The following CPVL variants were observed in gnomAD, a reference collection of about 807,000 sequenced individuals.
CPVL encodes carboxypeptidase vitellogenic like.
Under a neutral mutation model 63.7 loss-of-function variants are expected in CPVL, and 51 were observed. That is an observed-to-expected ratio of 0.80 (90% CI 0.64 to 1.01). The LOEUF (loss-of-function observed/expected upper bound fraction) is 1.01, where lower values mean the gene tolerates loss of function less well. Ranked by LOEUF, CPVL falls within the 50% of genes least tolerant of loss-of-function variation. The pLI is 0.00. For missense variants in CPVL, 530 were observed against 573.1 expected (o/e 0.92, Z 0.77); for synonymous variants, 195 against 206.0 (o/e 0.95, Z 0.46).
At chr7:29,003,873 A>G (rs1457894157) in intron 12 of CPVL, among the ~76,000 whole-genome samples, 1 of 152,088 alleles carries the variant, frequency 6.6e-6, no homozygotes, top group African/African-American at 2.4e-5. Flanking sequence ...TTCCCCTCCT[A>G]TAAGAATCTA....
At chr7:29,170,482 A>G (rs58153700) in intron 5 of CPVL, among the ~76,000 whole-genome samples, 2,371 of 152,194 alleles carry the variant, frequency 0.016, 63 homozygotes, top group African/African-American at 0.055. Context: ...ATTTTCTCCA[A>G]TTGTTCATCT....
intron 1 of CPVL, chr7:29,122,403 G>A (rs1789476304): frequency 6.6e-6 from 1 of 152,224 alleles, no homozygotes; most frequent in African/African-American, 2.4e-5. Context: ...AGGCCAGGGT[G>A]ATCAGACATC....
At chr7:29,048,481 G>A (rs928037811) in intron 11 of CPVL, among the ~76,000 whole-genome samples, 6 of 151,658 alleles carry the variant, frequency 4.0e-5, no homozygotes, top group African/African-American at 1.4e-4. Flanking sequence ...TTATATAACA[G>A]TCAAAGGCCT....
rs1176099428 is a variant in CPVL at position 29,096,189 on chromosome 7, A to C, written c.317T>G (p.Leu106Arg). Residue 106 changes from leucine (L) to arginine (R), a missense_variant, in exon 4 of 13, where the codon CTC becomes CGC. Coordinates refer to ENST00000265394, the MANE Select transcript of CPVL (RefSeq NM_031311.5). ...ACCTCCCGGCCCACCCTGTAGCCAG[A>C]GAACTACTGGGGCATCTTCTGGCTG... ...QIQPEDAPVVLWLQGGPGGSS... is the reference protein window; with the variant it reads ...QIQPEDAPVVRWLQGGPGGSS... 6.2e-7 allele frequency: 1 copy of C among 1,614,192 alleles called. No homozygotes were observed. Among genetic ancestry groups the C allele is most frequent in the Non-Finnish European group, 8.5e-7 (1 of 1,179,990 alleles).
At chr7:29,117,891 AT>A (rs1346816657) in intron 2 of CPVL, among the ~76,000 whole-genome samples, 16 of 152,306 alleles carry the variant, frequency 1.1e-4, no homozygotes, top group African/African-American at 3.6e-4. Flanking sequence ...TAATGACTAA[AT>A]GTTAGCTACT....
intron 12 of CPVL, among the ~76,000 whole-genome samples, chr7:29,024,355 G>C (rs990430371): frequency 6.6e-6 from 1 of 152,164 alleles, no homozygotes; most frequent in African/African-American, 2.4e-5. Context: ...ACACCATAAA[G>C]CAGGCAACCA....
chr7:29,128,069 T>C (rs559153519), intron 1 of CPVL: 1 of 152,016 alleles, frequency 6.6e-6, no homozygotes, highest in Non-Finnish European at 1.5e-5. Flanking sequence ...TTTCTCCCCT[T>C]ACAGTTTCTG....
chr7:29,081,700 T>C (rs1461261870), intron 7 of CPVL, among the ~76,000 whole-genome samples: 2 of 152,208 alleles, frequency 1.3e-5, no homozygotes, highest in Admixed American at 6.5e-5. Context: ...AGCTCTTGTC[T>C]CCAGGCATTA....
chr7:29,013,831 T>C (rs766197530), intron 12 of CPVL, among the ~76,000 whole-genome samples: 9 of 152,216 alleles, frequency 5.9e-5, no homozygotes, highest in Non-Finnish European at 1.2e-4. Flanking sequence ...TTTCCCAAGA[T>C]GATGACCTTC....
At chr7:29,147,350 C>G (rs535726856), upstream of CPVL, 49 of 179,692 alleles carry the variant, frequency 2.7e-4, no homozygotes, top group Non-Finnish European at 5.1e-4. Context: ...CTCCTCACAG[C>G]TAGCTGCAGG....
intron 1 of CPVL, among the ~76,000 whole-genome samples, chr7:29,189,689 C>T (rs566875513): frequency 6.6e-6 from 1 of 152,030 alleles, no homozygotes; most frequent in South Asian, 2.1e-4. Flanking sequence ...CGGCCCCCCA[C>T]CCCCTACACT....
intron 7 of CPVL, among the ~76,000 whole-genome samples, chr7:29,080,557 CAAAAAAAAA>C (rs138264408): frequency 1.9e-5 from 2 of 103,206 alleles, no homozygotes; most frequent in African/African-American, 3.8e-5. Flanking sequence ...CACTTTGTCT[CAAAAAAAAA>C]AAAAAAAAAA....
At chr7:29,150,252 T>A (rs1205178389), upstream of CPVL, among the ~76,000 whole-genome samples, 1 of 152,228 alleles carries the variant, frequency 6.6e-6, no homozygotes, top group Admixed American at 6.5e-5. Flanking sequence ...AATCTCAGTT[T>A]TCTCATCTGT....
chr7:29,172,395 A>G (rs1464835809), intron 5 of CPVL, among the ~76,000 whole-genome samples: 1 of 152,200 alleles, frequency 6.6e-6, no homozygotes, highest in African/African-American at 2.4e-5. Flanking sequence ...ATCAGTGTCT[A>G]AAGTTTTCTT....
At chr7:29,107,973 G>A (rs1018156477) in intron 3 of CPVL, among the ~76,000 whole-genome samples, 21 of 152,200 alleles carry the variant, frequency 1.4e-4, no homozygotes, top group African/African-American at 5.1e-4. Context: ...TTTTGGACCA[G>A]GAGCATTAGA....
At chr7:29,016,186 A>C (rs1386059131) in intron 12 of CPVL, among the ~76,000 whole-genome samples, 1 of 151,992 alleles carries the variant, frequency 6.6e-6, no homozygotes, top group African/African-American at 2.4e-5. Flanking sequence ...CCCTGTCTCT[A>C]CTAAAAACAC....
intron 6 of CPVL, among the ~76,000 whole-genome samples, chr7:29,088,481 T>C (rs1193344659): frequency 1.3e-5 from 2 of 151,964 alleles, no homozygotes; most frequent in Non-Finnish European, 2.9e-5. Flanking sequence ...AAGCAAGCAC[T>C]TAGTAGCGTG....
intron 11 of CPVL, among the ~76,000 whole-genome samples, chr7:29,033,173 GAAGTGATTTCA>G (rs1788197870): frequency 6.6e-6 from 1 of 151,974 alleles, no homozygotes; most frequent in African/African-American, 2.4e-5. Flanking sequence ...ACGATCATGA[GAAGTGATTTCA>G]AAGGCAGGCC....
intron 6 of CPVL, among the ~76,000 whole-genome samples, chr7:29,086,756 C>T (rs1785242962): frequency 6.6e-6 from 1 of 152,178 alleles, no homozygotes; most frequent in African/African-American, 2.4e-5. Context: ...GACAAGTGGA[C>T]ATCAATACTC....
Sources: allele counts gnomAD v4.1 joint callset (sites outside exome capture counted in the v4.1 genomes callset), GRCh38; gene constraint gnomAD v4.1.1; transcripts MANE v1.5; gene names NCBI Gene and HGNC (gene_info 2026-07-23, HGNC 2026-07-21).